PCDHA13: variants seen among roughly 807,000 people sequenced by gnomAD.
PCDHA13 encodes protocadherin alpha 13, also known as protocadherin alpha-13.
A neutral mutation model predicts 64.8 loss-of-function variants in PCDHA13; 54 were observed. The observed-to-expected ratio is 0.83, with a 90% CI of 0.67 to 1.04. The LOEUF (loss-of-function observed/expected upper bound fraction) is 1.04. PCDHA13 is among the 50% of genes least tolerant of loss of function. PCDHA13 has a pLI of 0.00. For synonymous variants in PCDHA13, 587 were observed against 564.4 expected, an observed-to-expected ratio of 1.04 and a Z score of -0.57; for missense variants, 1,248 against 1,254.3, an observed-to-expected ratio of 0.99 and a Z score of 0.08.
At position 140,884,762 on chromosome 5, in the gene PCDHA13, A is replaced by T. The variant is rs491169; in HGVS notation, c.2394+100A>T. 4,163 of 1,423,128 alleles carry T rather than the reference A, an allele frequency of 2.9e-3. 95 individuals carry two copies. The African/African-American group carries it at 0.053, about 18-fold the overall frequency. 88.2% of individuals were successfully genotyped at this position (1,423,128 alleles called of 1,614,324 possible). A position where few individuals can be genotyped will look rare whatever the true frequency, so the allele number is the denominator to read the frequency against. On this transcript the variant is annotated intron_variant, in intron 1 of 3. Coordinates refer to ENST00000289272, the MANE Select transcript of PCDHA13 (RefSeq NM_018904.3). ...TCCTGCCAATTTCAAATTATTCTTT[A>T]CTTTAATTTTAATTTTGCTAGTTGT...
intron 1 of PCDHA13, among the ~76,000 whole-genome samples, chr5:140,921,161 T>A (rs201050388): frequency 2.1e-5 from 3 of 141,450 alleles, no homozygotes; most frequent in African/African-American, 5.2e-5. Context: ...ATTTTTTTTT[T>A]AACACACATA....
rs571904104 is a variant in PCDHA13, at chr5:140,891,379, AT to A, written c.2394+6720del. On this transcript the variant is annotated intron_variant, in intron 1 of 3. Transcript: ENST00000289272. ...ACCTGAGCAGTATACATTGCACCATATTTGCAATCTTTTATCCCTCGCCACC... is the reference window on the plus strand; with the variant it reads ...ACCTGAGCAGTATACATTGCACCATATTGCAATCTTTTATCCCTCGCCACC... Among the ~76,000 whole-genome samples, 7 of 151,980 alleles carry A rather than the reference AT, an allele frequency of 4.6e-5. No individual in the cohort carries two copies. In the South Asian group the frequency reaches 1.5e-3, roughly 32 times the overall value.
chr5:140,966,341 G>T, intron 1 of PCDHA13: 1 of 396,732 alleles, frequency 2.5e-6, no homozygotes, highest in Non-Finnish European at 4.4e-6. Context: ...CAGGTCCAGG[G>T]TGAAGGAGAT....
intron 1 of PCDHA13, chr5:140,928,259 A>G: frequency 6.2e-7 from 1 of 1,614,218 alleles, no homozygotes; most frequent in Non-Finnish European, 8.5e-7. Context: ...TTCGTTGCTG[A>G]AAACAATGGC....
At chr5:140,914,095 C>G (rs1368870998) in intron 1 of PCDHA13, among the ~76,000 whole-genome samples, 1 of 152,082 alleles carries the variant, frequency 6.6e-6, no homozygotes, top group Non-Finnish European at 1.5e-5. Context: ...TCAATTTGTT[C>G]TATAGTGCAG....
chr5:140,899,249 G>A (rs1256693010), intron 1 of PCDHA13, among the ~76,000 whole-genome samples: 9 of 152,122 alleles, frequency 5.9e-5, no homozygotes, highest in African/African-American at 2.2e-4. Context: ...TGGTGAGAGA[G>A]GGCATCCCTG....
chr5:140,950,523 T>C (rs1289314937), intron 1 of PCDHA13, among the ~76,000 whole-genome samples: 2 of 152,094 alleles, frequency 1.3e-5, no homozygotes, highest in African/African-American at 4.8e-5. Flanking sequence ...TGCGATATGA[T>C]TGTTTTTGTT....
rs782007101 is a variant in PCDHA13 at position 140,882,884 on chromosome 5, C to T, written c.616C>T (p.Gln206Ter). The T allele has an allele frequency of 1.9e-6, 3 of 1,614,184 alleles. No individual in the cohort carries two copies. Among genetic ancestry groups the T allele is most frequent in the Middle Eastern group, 3.3e-4 (2 of 6,062 alleles). ...GAAAACACTGGACAGAGAGGAAATTCAGGAACATAGTTTATTACTGACAGC... is the reference window on the plus strand; with the variant it reads ...GAAAACACTGGACAGAGAGGAAATTTAGGAACATAGTTTATTACTGACAGC... The part of the protein sequence containing the change: ...LRKTLDREEI[Q>*]EHSLLLTASD... The change falls in exon 1 of 4, where the codon CAG becomes TAG. Residue 206 changes from glutamine (Q) to a stop codon, truncating the protein, a stop_gained. Coordinates refer to ENST00000289272, the MANE Select transcript of PCDHA13 (RefSeq NM_018904.3). LOFTEE classifies it high-confidence loss of function.
chr5:140,939,851 A>G (rs1313215259), intron 1 of PCDHA13, among the ~76,000 whole-genome samples: 2 of 152,206 alleles, frequency 1.3e-5, no homozygotes, highest in African/African-American at 4.8e-5. Context: ...TGTGTTCTGT[A>G]TATGTCCATT....
At chr5:140,943,650 C>A (rs2093540673) in intron 1 of PCDHA13, among the ~76,000 whole-genome samples, 1 of 151,974 alleles carries the variant, frequency 6.6e-6, no homozygotes, top group African/African-American at 2.4e-5. Flanking sequence ...ATAAAACCAT[C>A]TATGAACAAT....
intron 1 of PCDHA13, chr5:140,968,431 G>T: frequency 6.2e-7 from 1 of 1,613,980 alleles, no homozygotes; most frequent in South Asian, 1.1e-5. Flanking sequence ...AGGACAAGGG[G>T]AGCCCACCAC....
At chr5:140,930,403 T>A (rs1337428261) in intron 1 of PCDHA13, 6 of 152,200 alleles carry the variant, frequency 3.9e-5, no homozygotes, top group African/African-American at 1.2e-4. Context: ...CTTTTTTTTT[T>A]TTGAGACAGG....
chr5:140,890,788 T>C (rs892426818), intron 1 of PCDHA13, among the ~76,000 whole-genome samples: 1 of 152,222 alleles, frequency 6.6e-6, no homozygotes, highest in Non-Finnish European at 1.5e-5. Flanking sequence ...AAGATATTAG[T>C]ATTATTTTAT....
In PCDHA13 at chr5:140,884,169, C is replaced by CG. The variant is rs2153400955; in HGVS notation, c.1902dup (p.Arg635AlafsTer22). The CG allele has an allele frequency of 6.2e-7, 1 of 1,613,426 alleles. No individual in the cohort carries two copies. The highest frequency in any genetic ancestry group is 2.2e-5 in the East Asian group (1 of 44,860). On this transcript the variant is annotated frameshift_variant, in exon 1 of 4. Coordinates refer to ENST00000289272, the MANE Select transcript of PCDHA13 (RefSeq NM_018904.3). LOFTEE classifies it high-confidence loss of function. ...CTGTACACTGGCGAGATCAGCACGA[C>CG]GCGCCCTCTGGACGAGGTGGACGCG... is the stretch of plus-strand genomic sequence containing the variant.
rs181578390 is a variant in PCDHA13, at chr5:140,923,666, G to A, written c.2394+39004G>A. Among the ~76,000 whole-genome samples, 434 of 152,230 alleles carry A rather than the reference G, an allele frequency of 2.9e-3. 2 individuals are homozygous for A. Among genetic ancestry groups the A allele is most frequent in the Middle Eastern group, 0.014 (4 of 294 alleles). On this transcript the variant is annotated intron_variant, in intron 1 of 3. Coordinates refer to ENST00000289272, the MANE Select transcript of PCDHA13 (RefSeq NM_018904.3). ...TAGCCTCCCTTATCTTTGGGATATC[G>A]TTCTCTCTTAAATGTTGCTTTCTCA...
intron 1 of PCDHA13, among the ~76,000 whole-genome samples, chr5:140,923,974 C>A (rs2081604148): frequency 6.6e-6 from 1 of 152,212 alleles, no homozygotes; most frequent in African/African-American, 2.4e-5. Flanking sequence ...CCCACACATA[C>A]TATCCCTCTA....
chr5:141,001,359 T>C (rs186629026), intron 3 of PCDHA13, among the ~76,000 whole-genome samples: 4 of 152,344 alleles, frequency 2.6e-5, no homozygotes, highest in Admixed American at 1.3e-4. Context: ...GGTTTAAGCC[T>C]ACTATTCTGA....
Position 140,883,431 on chromosome 5 carries a change from C to T in PCDHA13, c.1163C>T (p.Thr388Ile). 1 of 1,614,172 alleles carries T rather than the reference C, an allele frequency of 6.2e-7. No individual in the cohort carries two copies. Reference sequence around the variant, plus strand: ...GGCTCAAATGGACAGGTCACCTGCACCTTGACGCCGCATGTCCCCTTCAAG... The same window carrying T: ...GGCTCAAATGGACAGGTCACCTGCATCTTGACGCCGCATGTCCCCTTCAAG... The part of the protein sequence containing the change: ...DSGSNGQVTC[T>I]LTPHVPFKLV... The change falls in exon 1 of 4, where the codon ACC becomes ATC. Residue 388 changes from threonine to isoleucine, a missense_variant. Coordinates refer to ENST00000289272, the MANE Select transcript of PCDHA13 (RefSeq NM_018904.3).
chr5:140,925,076 A>G (rs1388489555), intron 1 of PCDHA13, among the ~76,000 whole-genome samples: 2 of 148,798 alleles, frequency 1.3e-5, no homozygotes, highest in Non-Finnish European at 3.0e-5. Context: ...CAACACGCTC[A>G]TCTGGAAAGG....
Sources: allele counts gnomAD v4.1 joint callset (sites outside exome capture counted in the v4.1 genomes callset), GRCh38; gene constraint gnomAD v4.1.1; transcripts MANE v1.5; gene names NCBI Gene and HGNC (gene_info 2026-07-23, HGNC 2026-07-21).